Variants in TMEM65 observed in about 807,000 individuals in gnomAD.
TMEM65 encodes the protein transmembrane protein 65.
TMEM65 carries 22 observed loss-of-function variants against 25.4 expected under a neutral mutation model. The observed-to-expected ratio is 0.86, with a 90% CI of 0.62 to 1.23. The LOEUF is 1.23. Ranked by LOEUF, TMEM65 falls within the 50% of genes most tolerant of loss-of-function variation. The probability of loss-of-function intolerance (pLI) is 0.00; values close to 1 mark genes in which losing one functional copy is unlikely to be tolerated. For synonymous variants in TMEM65, 132 were observed against 126.2 expected (o/e 1.05, Z -0.31); for missense variants, 262 against 308.2 (o/e 0.85, Z 1.12).
intron 1 of TMEM65, among the ~76,000 whole-genome samples, chr8:124,367,767 A>C (rs16899596): frequency 0.041 from 6,213 of 152,278 alleles, 461 homozygotes; most frequent in African/African-American, 0.14. Context: ...ACAAGATTAA[A>C]GTTTAGAATT....
chr8:124,310,206 C>T lies in TMEM65; in HGVS notation c.*3754G>A, dbSNP rs1814139286. 1 of 152,360 alleles carries T rather than the reference C, an allele frequency of 6.6e-6. No homozygotes were observed. Among genetic ancestry groups the T allele is most frequent in the African/African-American group, 2.4e-5 (1 of 41,432 alleles). The allele number at this position is 152,360 out of a possible 1,614,324, so 9.4% of individuals were successfully genotyped here. ...TGTTCTCTTCCCCTATTACTACCCA[C>T]CCCAAAAGAATAAGCTTCATGAGGG... On this transcript the variant is annotated 3_prime_UTR_variant, in exon 7 of 7. Transcript: ENST00000297632.
At chr8:124,323,263 C>A in intron 4 of TMEM65, 58 bp downstream of exon 4, 1 of 953,784 alleles carries the variant, frequency 1.0e-6, no homozygotes, top group Non-Finnish European at 1.6e-6. Context: ...TAAACTTAAT[C>A]TACTGAAATG....
chr8:124,362,926 A>G (rs1814890887), intron 1 of TMEM65, among the ~76,000 whole-genome samples: 1 of 152,220 alleles, frequency 6.6e-6, no homozygotes, highest in Admixed American at 6.5e-5. Flanking sequence ...CATGCTATCT[A>G]TTAGGATTTC....
chr8:124,336,344 T>C (rs1428699497), intron 1 of TMEM65, among the ~76,000 whole-genome samples: 1 of 152,024 alleles, frequency 6.6e-6, no homozygotes, highest in African/African-American at 2.4e-5. Context: ...ACTTGAACAC[T>C]ACCAACTATG....
chr8:124,336,919 A>G lies in TMEM65; in HGVS notation c.305-6127T>C, dbSNP rs147587056. Among the ~76,000 whole-genome samples, 650 of 152,038 alleles carry G rather than the reference A, an allele frequency of 4.3e-3. 5 individuals are homozygous for G. The highest frequency in any genetic ancestry group is 0.015 in the African/African-American group (612 of 41,566). On this transcript the variant is annotated intron_variant, in intron 1 of 6. Transcript: ENST00000297632. ...GACAAAAAGAGAATAAGAATTACTC[A>G]TATCAGGAATGAAAGAAGGGGCATC...
At chr8:124,346,457 TA>T (rs1407714081) in intron 1 of TMEM65, among the ~76,000 whole-genome samples, 8 of 152,106 alleles carry the variant, frequency 5.3e-5, no homozygotes, top group African/African-American at 1.9e-4. Context: ...TTCATGGAAA[TA>T]ATGACTCTTA....
chr8:124,319,291 C>CT (rs1234804383), intron 6 of TMEM65, among the ~76,000 whole-genome samples: 1 of 152,054 alleles, frequency 6.6e-6, no homozygotes, highest in Non-Finnish European at 1.5e-5. Context: ...ATTCCTCCTC[C>CT]TTTTTTTCTT....
In TMEM65 at chr8:124,311,879, C is replaced by T. The variant is rs1033584333; in HGVS notation, c.*2081G>A. 6.6e-6 allele frequency: 1 copy of T among 152,382 alleles called. No individual in the cohort carries two copies. Among genetic ancestry groups the T allele is most frequent in the Non-Finnish European group, 1.5e-5 (1 of 67,962 alleles). 9.4% of individuals were successfully genotyped at this position (152,382 alleles called of 1,614,324 possible). A position where few individuals can be genotyped will look rare whatever the true frequency, so the allele number is the denominator to read the frequency against. Reference sequence around the variant, plus strand: ...AATGTGAAGGTTATATATTTTGACACCTTAAATAATTCTGGAGATGTTCAG... The same window carrying T: ...AATGTGAAGGTTATATATTTTGACATCTTAAATAATTCTGGAGATGTTCAG... On this transcript the variant is annotated 3_prime_UTR_variant, in exon 7 of 7. Transcript: ENST00000297632.
chr8:124,357,203 C>T (rs1316326105), intron 1 of TMEM65, among the ~76,000 whole-genome samples: 1 of 151,982 alleles, frequency 6.6e-6, no homozygotes, highest in African/African-American at 2.4e-5. Flanking sequence ...TTTATACTGC[C>T]TAGCCCTAGT....
At chr8:124,322,957 T>C (rs1325899835) in intron 4 of TMEM65, among the ~76,000 whole-genome samples, 4 of 151,888 alleles carry the variant, frequency 2.6e-5, no homozygotes, top group Non-Finnish European at 4.4e-5. Context: ...ATTGCACCAC[T>C]GAACTGCAGC....
chr8:124,372,225 A>G lies in TMEM65; in HGVS notation c.-68T>C, dbSNP rs1815028853. The G allele has an allele frequency of 8.3e-7, 1 of 1,205,868 alleles. No homozygotes were observed. Among genetic ancestry groups the G allele is most frequent in the Non-Finnish European group, 1.0e-6 (1 of 961,730 alleles). The allele number at this position is 1,205,868 out of a possible 1,614,324, so 74.7% of individuals were successfully genotyped here. A position where few individuals can be genotyped will look rare whatever the true frequency, so the allele number is the denominator to read the frequency against. On this transcript the variant is annotated 5_prime_UTR_variant, in exon 1 of 7. Transcript: ENST00000297632. ...CGGTTTCTGGCGCGGCTGAGGCGAGAAGGAGCTGGGCTCAGCTCGACCCCG... is the reference window on the plus strand; with the variant it reads ...CGGTTTCTGGCGCGGCTGAGGCGAGGAGGAGCTGGGCTCAGCTCGACCCCG...
chr8:124,311,439 C>T lies in TMEM65; in HGVS notation c.*2521G>A, dbSNP rs2131189450. On this transcript the variant is annotated 3_prime_UTR_variant, in exon 7 of 7. Transcript: ENST00000297632. ...TCAATTCCTTTGTAAAAACATTGGT[C>T]ACCATTTAACATACATGGCAACAAA... 1 of 152,560 alleles carries T rather than the reference C, an allele frequency of 6.6e-6. No individual in the cohort carries two copies. Among genetic ancestry groups the T allele is most frequent in the African/African-American group, 2.4e-5 (1 of 41,482 alleles). The allele number at this position is 152,560 out of a possible 1,614,324, so 9.5% of individuals were successfully genotyped here.
chr8:124,371,858 G>T lies in TMEM65; in HGVS notation c.300C>A (p.Ala100=). The change falls in exon 1 of 7, where the codon GCC becomes GCA. Residue 100 remains alanine (A), a synonymous_variant. Transcript: ENST00000297632. ...CCCCCCACCTGCCCCCCTTACCTTG[G>T]GCAATGGCAATAGACTCGAAGCGGT... ...ELHRFESIAI[A]QEKLEAPPPT... 1 of 1,532,626 alleles carries T rather than the reference G, an allele frequency of 6.5e-7. No individual in the cohort carries two copies. Among genetic ancestry groups the T allele is most frequent in the Non-Finnish European group, 8.7e-7 (1 of 1,145,562 alleles). The allele number at this position is 1,532,626 out of a possible 1,614,324, so 94.9% of individuals were successfully genotyped here.
chr8:124,322,585 G>A (rs1251055473), intron 4 of TMEM65, among the ~76,000 whole-genome samples: 1 of 151,914 alleles, frequency 6.6e-6, no homozygotes, highest in Admixed American at 6.6e-5. Flanking sequence ...CCTCTGTGAA[G>A]AATAGAGTGG....
intron 1 of TMEM65, among the ~76,000 whole-genome samples, chr8:124,340,217 G>C (rs1197467503): frequency 2.0e-5 from 3 of 152,092 alleles, no homozygotes; most frequent in Non-Finnish European, 2.9e-5. Flanking sequence ...TTGTATTATT[G>C]TATGTGGAAC....
chr8:124,331,572 A>C (rs1379135352), intron 1 of TMEM65, among the ~76,000 whole-genome samples: 1 of 151,664 alleles, frequency 6.6e-6, no homozygotes, highest in African/African-American at 2.4e-5. Flanking sequence ...TTACGTGTCA[A>C]CATTATACCT....
At chr8:124,330,626 G>T in intron 2 of TMEM65, 122 bp downstream of exon 2, 2 of 917,134 alleles carry the variant, frequency 2.2e-6, no homozygotes, top group Non-Finnish European at 3.3e-6. Flanking sequence ...TAATGAACAG[G>T]ATAATCCACT....
chr8:124,363,836 C>CAAA lies in TMEM65; in HGVS notation c.304+8015_304+8017dup, dbSNP rs869161640. On this transcript the variant is annotated intron_variant, in intron 1 of 6. Coordinates refer to ENST00000297632, the MANE Select transcript of TMEM65 (RefSeq NM_194291.3). ...AGGGCGACAGAGCGAGACTCCGTCT[C>CAAA]AAAAAAAAAAAAAAAAAAAAAAAAA... is the stretch of plus-strand genomic sequence containing the variant. Among the ~76,000 whole-genome samples, 556 of 55,718 alleles carry CAAA rather than the reference C, an allele frequency of 1.0e-2. 74 individuals are homozygous for CAAA. The highest frequency in any genetic ancestry group is 0.036 in the African/African-American group (449 of 12,612). 36.6% of individuals were successfully genotyped at this position (55,718 alleles called of 152,430 possible). A position where few individuals can be genotyped will look rare whatever the true frequency, so the allele number is the denominator to read the frequency against.
chr8:124,334,092 C>G (rs1012371733), intron 1 of TMEM65, among the ~76,000 whole-genome samples: 13 of 152,182 alleles, frequency 8.5e-5, no homozygotes, highest in Non-Finnish European at 1.9e-4. Context: ...CAAGAGTTTG[C>G]AGTTTGAACC....
Sources: gnomAD v4.1 joint callset for allele counts (sites outside exome capture counted in the v4.1 genomes callset) on GRCh38, gnomAD v4.1.1 for gene constraint, MANE v1.5 for transcripts, NCBI Gene and HGNC (gene_info 2026-07-23, HGNC 2026-07-21) for gene names.